Variants in DPP6 observed in about 807,000 individuals in gnomAD.
The protein encoded by DPP6 is A-type potassium channel modulatory protein DPP6.
In DPP6, 69 loss-of-function variants were observed where a neutral mutation model predicts 122.6. That is an observed-to-expected ratio of 0.56 (90% CI 0.46 to 0.69). The LOEUF (loss-of-function observed/expected upper bound fraction) is 0.69, where lower values mean the gene tolerates loss of function less well. DPP6 is among the 30% of genes least tolerant of loss of function. The pLI, the probability that DPP6 is intolerant of heterozygous loss-of-function variation, is 0.00. For missense variants in DPP6, 928 were observed against 1,116.9 expected, an observed-to-expected ratio of 0.83 and a Z score of 2.41; for synonymous variants, 418 against 433.1, an observed-to-expected ratio of 0.97 and a Z score of 0.43.
chr7:154,443,414 T>A (rs1042981262), intron 1 of DPP6, among the ~76,000 whole-genome samples: 11 of 152,350 alleles, frequency 7.2e-5, no homozygotes, highest in African/African-American at 2.6e-4. Flanking sequence ...ATCTGTTTTA[T>A]TCATTCTTGT....
At chr7:154,609,612 C>T (rs1434558644) in intron 5 of DPP6, among the ~76,000 whole-genome samples, 2 of 152,154 alleles carry the variant, frequency 1.3e-5, no homozygotes, top group Non-Finnish European at 2.9e-5. Context: ...TACTTTTACA[C>T]ATGCATGCAC....
intron 10 of DPP6, among the ~76,000 whole-genome samples, chr7:154,791,501 G>A (rs371343809): frequency 5.3e-5 from 8 of 152,182 alleles, no homozygotes; most frequent in African/African-American, 1.9e-4. Flanking sequence ...GGAACAGCAT[G>A]GGGGAAACCA....
intron 3 of DPP6, among the ~76,000 whole-genome samples, chr7:154,504,306 C>T (rs1825496195): frequency 6.6e-6 from 1 of 152,174 alleles, no homozygotes; most frequent in South Asian, 2.1e-4. Flanking sequence ...AGCATGAAGA[C>T]AGTTACTGTC....
At chr7:153,957,662 A>G (rs1279591225) in intron 1 of DPP6, among the ~76,000 whole-genome samples, 4 of 152,140 alleles carry the variant, frequency 2.6e-5, no homozygotes, top group African/African-American at 7.2e-5. Flanking sequence ...CTGGCCTCCA[A>G]TCCAGTGGGG....
intron 1 of DPP6, among the ~76,000 whole-genome samples, chr7:154,274,272 T>C (rs568466525): frequency 2.0e-5 from 3 of 152,244 alleles, no homozygotes; most frequent in Non-Finnish European, 4.4e-5. Flanking sequence ...AGGTTCTAAG[T>C]TCTGAGCAGC....
At position 154,668,228 on chromosome 7, in the gene DPP6, AT is replaced by A. The variant is rs1425356164; in HGVS notation, c.681-1123del. ...ATATATATATATATATAATATACAC[AT>A]TTTTTTTTCAAGACAGAGTTTCGCT... On this transcript the variant is annotated intron_variant, in intron 6 of 25. Transcript: ENST00000377770. 1.3e-3 allele frequency among the ~76,000 whole-genome samples: 31 copies of A among 23,696 alleles called. 1 individual carries two copies. Among genetic ancestry groups the A allele is most frequent in the African/African-American group, 2.1e-3 (29 of 13,536 alleles). 15.5% of individuals were successfully genotyped at this position (23,696 alleles called of 152,430 possible).
chr7:154,043,433 A>G (rs1433067205), intron 1 of DPP6, among the ~76,000 whole-genome samples: 78 of 115,704 alleles, frequency 6.7e-4, no homozygotes, highest in African/African-American at 2.3e-3. Flanking sequence ...AAAAAAAAAA[A>G]AAAAGGACCT....
intron 5 of DPP6, among the ~76,000 whole-genome samples, chr7:154,585,671 C>A (rs1832392299): frequency 1.3e-5 from 2 of 152,184 alleles, no homozygotes; most frequent in South Asian, 4.1e-4. Flanking sequence ...GAATCAAATA[C>A]AATGTAAATG....
intron 1 of DPP6, among the ~76,000 whole-genome samples, chr7:154,149,555 G>GCTCCCCAC (rs1796304986): frequency 8.9e-6 from 1 of 112,328 alleles, no homozygotes; most frequent in African/African-American, 3.4e-5. Context: ...TTCTTGGGGG[G>GCTCCCCAC]CTCCCCACCG....
In DPP6 at chr7:154,303,700, C is replaced by A. The variant is rs78721587; in HGVS notation, c.244-142514C>A. ...CATACCACACAGCAAGGGTTTCACA[C>A]GGGGTTTTCATTTCTTTACCCCTGG... On this transcript the variant is annotated intron_variant, in intron 1 of 25. Coordinates refer to ENST00000377770, the MANE Select transcript of DPP6 (RefSeq NM_130797.4). Among the ~76,000 whole-genome samples the A allele has an allele frequency of 2.6e-5, 4 of 152,292 alleles. 1 individual carries two copies. The East Asian group carries it at 7.7e-4, about 29-fold the overall frequency.
chr7:153,889,938 C>T (rs889498340), intron 1 of DPP6, among the ~76,000 whole-genome samples: 4 of 152,184 alleles, frequency 2.6e-5, no homozygotes, highest in Non-Finnish European at 4.4e-5. Flanking sequence ...AGGAAATCCA[C>T]GTGGCTTCAG....
chr7:153,925,045 G>A (rs1174561201), intron 1 of DPP6, among the ~76,000 whole-genome samples: 2 of 152,174 alleles, frequency 1.3e-5, no homozygotes, highest in African/African-American at 4.8e-5. Context: ...TCAGAAGCCT[G>A]CTGATCGACC....
At chr7:154,735,975 TC>T (rs1246339643) in intron 8 of DPP6, among the ~76,000 whole-genome samples, 4 of 152,352 alleles carry the variant, frequency 2.6e-5, no homozygotes, top group African/African-American at 9.6e-5. Flanking sequence ...TCGTCTGCTC[TC>T]AACGTAGCAA....
At chr7:154,389,783 C>T (rs533321329) in intron 1 of DPP6, among the ~76,000 whole-genome samples, 21 of 152,274 alleles carry the variant, frequency 1.4e-4, no homozygotes, top group East Asian at 3.9e-4. Context: ...AAAACTCACA[C>T]GATAACTTTC....
intron 1 of DPP6, among the ~76,000 whole-genome samples, chr7:154,293,214 C>T (rs1352084673): frequency 6.6e-6 from 1 of 152,180 alleles, no homozygotes; most frequent in East Asian, 1.9e-4. Context: ...AATACTTAGG[C>T]CTGTCTGATG....
intron 16 of DPP6, among the ~76,000 whole-genome samples, chr7:154,840,278 G>A (rs75318047): frequency 0.019 from 2,859 of 152,290 alleles, 93 homozygotes; most frequent in African/African-American, 0.065. Context: ...TGGCCATGGC[G>A]AGGTGCCACC....
chr7:153,956,445 G>A (rs368167717), intron 1 of DPP6, among the ~76,000 whole-genome samples: 1 of 152,134 alleles, frequency 6.6e-6, no homozygotes, highest in Non-Finnish European at 1.5e-5. Context: ...ATAGCATCTC[G>A]GCTTACAGAG....
At chr7:154,335,519 C>T (rs1022437631) in intron 1 of DPP6, among the ~76,000 whole-genome samples, 1 of 152,196 alleles carries the variant, frequency 6.6e-6, no homozygotes, top group Non-Finnish European at 1.5e-5. Context: ...CACTCGAAAT[C>T]CAAGTAGTGC....
chr7:153,917,717 T>C (rs1800389085), intron 1 of DPP6, among the ~76,000 whole-genome samples: 1 of 152,232 alleles, frequency 6.6e-6, no homozygotes, highest in Non-Finnish European at 1.5e-5. Flanking sequence ...GTTATTCTAG[T>C]GTGACATGCG....
Sources: allele counts gnomAD v4.1 joint callset (sites outside exome capture counted in the v4.1 genomes callset), GRCh38; gene constraint gnomAD v4.1.1; transcripts MANE v1.5; gene names NCBI Gene and HGNC (gene_info 2026-07-23, HGNC 2026-07-21).